Variants in RAMP3 observed in about 807,000 individuals in gnomAD.
The protein encoded by RAMP3 is receptor activity modifying protein 3.
RAMP3 carries 14 observed loss-of-function variants against 13.5 expected under a neutral mutation model. The ratio of observed to expected loss-of-function variants is 1.04; its 90% confidence interval spans 0.69 to 1.63. The LOEUF is 1.63. RAMP3 is among the 40% of genes most tolerant of loss of function. The pLI is 0.00. For synonymous variants in RAMP3, 106 were observed against 88.3 expected (o/e 1.20, Z -1.12); for missense variants, 200 against 204.8 (o/e 0.98, Z 0.14).
intron 1 of RAMP3, among the ~76,000 whole-genome samples, chr7:45,171,561 T>A (rs1171852758): frequency 1.3e-5 from 2 of 152,192 alleles, no homozygotes; most frequent in Non-Finnish European, 2.9e-5. Flanking sequence ...TTTGATTTTT[T>A]TTCTTTTTTT....
intron 1 of RAMP3, among the ~76,000 whole-genome samples, chr7:45,164,420 A>T (rs1276340883): frequency 6.6e-6 from 1 of 152,190 alleles, no homozygotes; most frequent in Non-Finnish European, 1.5e-5. Context: ...CTGTGGTCCC[A>T]GCTACTCAGG....
chr7:45,180,577 C>T (rs4724371), intron 2 of RAMP3, among the ~76,000 whole-genome samples: 9,695 of 152,320 alleles, frequency 0.064, 358 homozygotes, highest in East Asian at 0.1. Flanking sequence ...AGAGCGTGTC[C>T]TCTCCTGGGA....
At chr7:45,159,561 C>A (rs1785825089) in intron 1 of RAMP3, among the ~76,000 whole-genome samples, 1 of 152,196 alleles carries the variant, frequency 6.6e-6, no homozygotes, top group African/African-American at 2.4e-5. Context: ...CAGCAGGACA[C>A]TTTGCTGTGG....
At chr7:45,174,127 G>T (rs954073933) in intron 1 of RAMP3, among the ~76,000 whole-genome samples, 3 of 152,122 alleles carry the variant, frequency 2.0e-5, no homozygotes, top group Non-Finnish European at 4.4e-5. Context: ...GAGCCAGGAG[G>T]GTCTTGGGTA....
At chr7:45,163,541 G>A (rs1448801755) in intron 1 of RAMP3, 23 of 985,286 alleles carry the variant, frequency 2.3e-5, no homozygotes, top group Non-Finnish European at 2.7e-5. Flanking sequence ...GGGTCGTGGA[G>A]CAGCAGCTCA....
intron 1 of RAMP3, among the ~76,000 whole-genome samples, chr7:45,161,745 C>G (rs1428907091): frequency 6.7e-6 from 1 of 149,232 alleles, no homozygotes; most frequent in Non-Finnish European, 1.5e-5. Flanking sequence ...TGATAGGTGA[C>G]AGTCAGAGTA....
intron 1 of RAMP3, among the ~76,000 whole-genome samples, chr7:45,158,668 G>C (rs1013830214): frequency 3.7e-5 from 3 of 80,660 alleles, no homozygotes; most frequent in Non-Finnish European, 7.5e-5. Context: ...GGCCAGTTCT[G>C]GGGGGGACAT....
At chr7:45,163,981 G>A (rs1353971595) in intron 1 of RAMP3, 2 of 718,132 alleles carry the variant, frequency 2.8e-6, no homozygotes, top group South Asian at 1.2e-4. Flanking sequence ...TACTGTGGCT[G>A]AAAACCCACT....
chr7:45,163,616 A>G (rs3779397), intron 1 of RAMP3: 223,020 of 985,228 alleles, frequency 0.23, 27,670 homozygotes, highest in African/African-American at 0.48. Context: ...GCCCGATGGA[A>G]GCTAACCTTG....
At position 45,183,747 on chromosome 7, in the gene RAMP3, T is replaced by C; in HGVS notation, c.*335T>C. 1.8e-6 allele frequency: 1 copy of C among 566,590 alleles called. No individual in the cohort carries two copies. Among genetic ancestry groups the C allele is most frequent in the East Asian group, 2.9e-5 (1 of 34,852 alleles). The allele number at this position is 566,590 out of a possible 1,614,324, so 35.1% of individuals were successfully genotyped here. A position where few individuals can be genotyped will look rare whatever the true frequency, so the allele number is the denominator to read the frequency against. The stretch of plus-strand genomic sequence containing the variant: ...AGCCTCTGCCCGCAGGTTTCTATGC[T>C]GTTTCTTAGCACAGAATCCAGCCTA... On this transcript the variant is annotated 3_prime_UTR_variant, in exon 3 of 3. Coordinates refer to ENST00000242249, the MANE Select transcript of RAMP3 (RefSeq NM_005856.3).
intron 1 of RAMP3, among the ~76,000 whole-genome samples, chr7:45,162,332 G>T (rs1785881548): frequency 6.6e-6 from 1 of 152,238 alleles, no homozygotes; most frequent in Non-Finnish European, 1.5e-5. Context: ...GAGCTTGGAA[G>T]TGCCCACTGG....
chr7:45,163,607 C>A, intron 1 of RAMP3: 2 of 985,392 alleles, frequency 2.0e-6, no homozygotes, highest in Non-Finnish European at 2.4e-6. Context: ...GAAGTTGGGG[C>A]CCGATGGAAG....
At chr7:45,160,330 C>CAAAAAAAAAAAAAAAAA (rs34833718) in intron 1 of RAMP3, among the ~76,000 whole-genome samples, 4 of 17,870 alleles carry the variant, frequency 2.2e-4, no homozygotes, top group Non-Finnish European at 4.2e-4. Flanking sequence ...GACTCTGCCT[C>CAAAAAAAAAAAAAAAAA]AAAAAAAAAA....
chr7:45,169,346 T>C (rs1233751249), intron 1 of RAMP3, among the ~76,000 whole-genome samples: 2 of 152,238 alleles, frequency 1.3e-5, no homozygotes, highest in Admixed American at 1.3e-4. Context: ...GAATGATTTC[T>C]GTTAATTCTT....
chr7:45,183,601 G>A lies in RAMP3; in HGVS notation c.*189G>A. 2 of 765,788 alleles carry A rather than the reference G, an allele frequency of 2.6e-6. No homozygotes were observed. Among genetic ancestry groups the A allele is most frequent in the Non-Finnish European group, 4.2e-6 (2 of 481,414 alleles). 47.4% of individuals were successfully genotyped at this position (765,788 alleles called of 1,614,324 possible). ...AGCCTGCTCCCTGGCTGAGGCTCAG[G>A]CTATCCGCCCAAGCTCTTTGCTCAT... On this transcript the variant is annotated 3_prime_UTR_variant, in exon 3 of 3. Coordinates refer to ENST00000242249, the MANE Select transcript of RAMP3 (RefSeq NM_005856.3).
chr7:45,169,658 A>G (rs537854114), intron 1 of RAMP3, among the ~76,000 whole-genome samples: 1 of 152,296 alleles, frequency 6.6e-6, no homozygotes, highest in East Asian at 1.9e-4. Flanking sequence ...TTGCAGTAGC[A>G]TCACTCCCAT....
intron 2 of RAMP3, among the ~76,000 whole-genome samples, chr7:45,179,568 A>T (rs76241357): frequency 2.6e-5 from 4 of 152,340 alleles, no homozygotes; most frequent in African/African-American, 9.6e-5. Flanking sequence ...TGGAAGATGC[A>T]ATAGAAGTGA....
intron 1 of RAMP3, among the ~76,000 whole-genome samples, chr7:45,172,290 T>C (rs1463840163): frequency 6.6e-6 from 1 of 152,210 alleles, no homozygotes; most frequent in Admixed American, 6.5e-5. Context: ...TTGCACCCAC[T>C]GGAGTACAGG....
intron 1 of RAMP3, among the ~76,000 whole-genome samples, chr7:45,158,623 T>C (rs1384905806): frequency 6.6e-6 from 1 of 152,278 alleles, no homozygotes; most frequent in East Asian, 1.9e-4. Context: ...GAGTGCTTGC[T>C]GAGGGCTGGG....
Sources: allele counts gnomAD v4.1 joint callset (sites outside exome capture counted in the v4.1 genomes callset), GRCh38; gene constraint gnomAD v4.1.1; transcripts MANE v1.5; gene names NCBI Gene and HGNC (gene_info 2026-07-23, HGNC 2026-07-21).